PHLDB3: variants seen among roughly 807,000 people sequenced by gnomAD.
PHLDB3 encodes pleckstrin homology like domain family B member 3.
A neutral mutation model predicts 85.7 loss-of-function variants in PHLDB3; 86 were observed. That is an observed-to-expected ratio of 1.00 (90% CI 0.84 to 1.20). PHLDB3 has a LOEUF of 1.20. Among genes scored for constraint, PHLDB3 ranks in the 50% most tolerant of loss-of-function variants. PHLDB3 has a pLI of 0.00. For missense variants in PHLDB3, 995 were observed against 873.0 expected (o/e 1.14, Z -1.76); for synonymous variants, 376 against 349.8 (o/e 1.07, Z -0.83).
intron 7 of PHLDB3, 34 bp from the exon 8 acceptor site, chr19:43,495,373 T>G: frequency 6.2e-7 from 1 of 1,607,436 alleles, no homozygotes; most frequent in Non-Finnish European, 8.5e-7. Flanking sequence ...CGTGTCAAAG[T>G]CAGAATGGGC....
intron 13 of PHLDB3, among the ~76,000 whole-genome samples, chr19:43,481,625 A>G (rs1399222329): frequency 6.6e-6 from 1 of 151,734 alleles, no homozygotes; most frequent in African/African-American, 2.4e-5. Context: ...TCTCAAAAAA[A>G]AAATACAAAA....
At chr19:43,487,983 G>A (rs928081178) in intron 9 of PHLDB3, among the ~76,000 whole-genome samples, 10 of 151,676 alleles carry the variant, frequency 6.6e-5, no homozygotes, top group South Asian at 2.1e-4. Context: ...GTGAAACCCC[G>A]TCTCTACTAA....
rs1174912983 is a variant in PHLDB3 at position 43,475,250 on chromosome 19, A to G, written c.*160T>C. On this transcript the variant is annotated 3_prime_UTR_variant, in exon 16 of 16. Transcript: ENST00000292140. ...GCAAGGCACCTGCAACCCAGAACGC[A>G]GCAGCTCAGGCCAGCTGAACTGCCG... 9.8e-7 allele frequency: 1 copy of G among 1,023,004 alleles called. No homozygotes were observed. The highest frequency in any genetic ancestry group is 1.7e-5 in the South Asian group (1 of 58,696). The allele number at this position is 1,023,004 out of a possible 1,614,324, so 63.4% of individuals were successfully genotyped here.
chr19:43,501,590 G>A (rs1182260354), intron 4 of PHLDB3, 144 bp downstream of exon 4: 2 of 1,406,578 alleles, frequency 1.4e-6, no homozygotes, highest in Non-Finnish European at 1.9e-6. Flanking sequence ...ACCAGGAGGG[G>A]CATCTGCCCC....
In PHLDB3 at chr19:43,504,051, A is replaced by T; in HGVS notation, c.68T>A (p.Val23Asp). The change falls in exon 2 of 16, where the codon GTC (valine) becomes GAC (aspartate). Residue 23 changes from valine (V) to aspartate (D), a missense_variant. By Grantham distance (152) the Val-to-Asp change is radical. Transcript: ENST00000292140. ...CTCCTCGGGATGGCCCTGGGGCTGG[A>T]CCTCCACGTCGCATTCCGGGACCAG... ...PPLVPECDVE[V>D]QPQGHPEESR... The T allele has an allele frequency of 6.2e-7, 1 of 1,612,732 alleles. No homozygotes were observed. Among genetic ancestry groups the T allele is most frequent in the Non-Finnish European group, 8.5e-7 (1 of 1,179,504 alleles).
intron 13 of PHLDB3, among the ~76,000 whole-genome samples, 171 bp from the exon 14 acceptor site, chr19:43,479,764 G>T (rs1358903703): frequency 6.6e-6 from 1 of 152,268 alleles, no homozygotes; most frequent in East Asian, 1.9e-4. Flanking sequence ...TGGATTGACT[G>T]TGATGCTCTG....
chr19:43,495,530 G>C lies in PHLDB3; in HGVS notation c.916C>G (p.Arg306Gly). ...GCCTGAAGGGCCTCCTCCTTCTTCC[G>C]GCTCAACCCCCGGCTCTCGGCTGCC... ...QMAAESRGLS[R>G]KKEEALQALS... is the part of the protein sequence containing the mutation. The change falls in exon 7 of 16, where the codon CGG becomes GGG. Residue 306 changes from arginine to glycine, a missense_variant. Transcript: ENST00000292140. 6.2e-7 allele frequency: 1 copy of C among 1,607,168 alleles called. No individual in the cohort carries two copies. The highest frequency in any genetic ancestry group is 8.5e-7 in the Non-Finnish European group (1 of 1,176,898).
intron 9 of PHLDB3, 113 bp from the exon 10 acceptor site, chr19:43,487,236 C>G (rs1269417572): frequency 1.2e-6 from 1 of 836,856 alleles, no homozygotes; most frequent in East Asian, 2.7e-5. Context: ...ACACTACTGT[C>G]CATGTGCTGA....
At chr19:43,504,512 C>G (rs1971707408) in intron 1 of PHLDB3, 77 bp downstream of exon 1, 1 of 241,576 alleles carries the variant, frequency 4.1e-6, no homozygotes, top group South Asian at 7.5e-5. Context: ...GTTCGGCTCC[C>G]GCCCCATCCT....
chr19:43,495,561 C>T lies in PHLDB3; in HGVS notation c.885G>A (p.Glu295=), dbSNP rs1171210892. 1.2e-6 allele frequency: 2 copies of T among 1,610,402 alleles called. No individual in the cohort carries two copies. The highest frequency in any genetic ancestry group is 8.5e-7 in the Non-Finnish European group (1 of 1,178,448). The change falls in exon 7 of 16, where the codon GAG becomes GAA. Residue 295 remains glutamate, a synonymous_variant. Transcript: ENST00000292140. ...ACCCCCGGCTCTCGGCTGCCATCTGCTCCCCCAGTGACTTGAGCTGCTCTT... is the reference window on the plus strand; with the variant it reads ...ACCCCCGGCTCTCGGCTGCCATCTGTTCCCCCAGTGACTTGAGCTGCTCTT... ...VLEEQLKSLG[E]QMAAESRGLS... is the part of the protein sequence containing the mutation.
intron 1 of PHLDB3, 85 bp from the exon 2 acceptor site, chr19:43,504,217 C>CCT (rs1971697882): frequency 9.6e-7 from 1 of 1,037,110 alleles, no homozygotes; most frequent in African/African-American, 3.1e-5. Flanking sequence ...GGCGCGGAGA[C>CCT]CCCCCCCCAA....
At chr19:43,476,066 C>A (rs1208769720) in intron 15 of PHLDB3, among the ~76,000 whole-genome samples, 1 of 151,988 alleles carries the variant, frequency 6.6e-6, no homozygotes, top group Non-Finnish European at 1.5e-5. Context: ...GAGTGCTGGG[C>A]TTACAGGCGT....
In PHLDB3 at chr19:43,486,294, G is replaced by C; in HGVS notation, c.1457C>G (p.Ser486Cys). The C allele has an allele frequency of 6.2e-7, 1 of 1,610,178 alleles. No homozygotes were observed. Among genetic ancestry groups the C allele is most frequent in the Non-Finnish European group, 8.5e-7 (1 of 1,178,568 alleles). Residue 486 changes from serine to cysteine, a missense_variant, in exon 13 of 16, where the codon TCC (serine) becomes TGC (cysteine). By Grantham distance (112) the Ser-to-Cys change is moderately radical. Coordinates refer to ENST00000292140, the MANE Select transcript of PHLDB3 (RefSeq NM_198850.4). ...GATGGCAGGAACAGCAGGGCCTGAG[G>C]AACCTTCCGTGCCCCTTCTTGTTCC... ...REGTRRGTEG[S>C]SGPAVPAITA...
chr19:43,490,892 G>A (rs993490132), intron 9 of PHLDB3, among the ~76,000 whole-genome samples: 14 of 152,168 alleles, frequency 9.2e-5, no homozygotes, highest in African/African-American at 3.4e-4. Flanking sequence ...CTTCTCAAGC[G>A]AGGTGTCCTC....
In PHLDB3 at chr19:43,487,074, T is replaced by TC. The variant is rs754807034; in HGVS notation, c.1198dup (p.Glu400GlyfsTer18). On this transcript the variant is annotated frameshift_variant, in exon 10 of 16. Coordinates refer to ENST00000292140, the MANE Select transcript of PHLDB3 (RefSeq NM_198850.4). LOFTEE classifies it high-confidence loss of function. ...GGGGGATCCTCTCTGGCTCCCCCTC[T>TC]CCCCCCTTTTCCGGGGCAGGCTCCC... is the stretch of plus-strand genomic sequence containing the variant. 39 of 1,576,770 alleles carry TC rather than the reference T, an allele frequency of 2.5e-5. No individual in the cohort carries two copies. Among genetic ancestry groups the TC allele is most frequent in the South Asian group, 1.3e-4 (11 of 85,776 alleles).
Position 43,497,852 on chromosome 19 carries a change from G to A in PHLDB3, c.559C>T (p.Arg187Trp), listed in dbSNP as rs140926664. The change falls in exon 5 of 16, where the codon CGG becomes TGG. Residue 187 changes from arginine (R) to tryptophan (W), a missense_variant. By Grantham distance (101) the Arg-to-Trp change is moderately radical. Transcript: ENST00000292140. ...EQEQRRLSQERDRLEGLRQRL... is the reference protein window; with the variant it reads ...EQEQRRLSQEWDRLEGLRQRL... Reference sequence around the variant, plus strand: ...TGGCGAAGACCCTCTAGGCGATCCCGTTCCTGGCTCAGCCGCCTCTGTTCC... The same window carrying A: ...TGGCGAAGACCCTCTAGGCGATCCCATTCCTGGCTCAGCCGCCTCTGTTCC... The A allele has an allele frequency of 8.7e-4, 1,378 of 1,584,224 alleles. 14 individuals are homozygous for A. In the African/African-American group the frequency reaches 0.014, roughly 16 times the overall value.
intron 9 of PHLDB3, among the ~76,000 whole-genome samples, chr19:43,492,714 G>A (rs1224774141): frequency 6.6e-6 from 1 of 151,796 alleles, no homozygotes; most frequent in Non-Finnish European, 1.5e-5. Flanking sequence ...ATACTAGCTG[G>A]TTAAACAACT....
At chr19:43,486,429 C>A in intron 12 of PHLDB3, 107 bp from the exon 13 acceptor site, 2 of 1,285,660 alleles carry the variant, frequency 1.6e-6, no homozygotes, top group Non-Finnish European at 2.1e-6. Context: ...GGACTGGGGG[C>A]CTGGACTCCT....
Position 43,475,357 on chromosome 19 carries a change from G to T in PHLDB3, c.*53C>A. On this transcript the variant is annotated 3_prime_UTR_variant, in exon 16 of 16. Transcript: ENST00000292140. ...GGGCGGGGCCTAGGAACGCCCCCGC[G>T]CCCCGCGCCGGCGGAGCCTCGAAGG... 1 of 1,596,828 alleles carries T rather than the reference G, an allele frequency of 6.3e-7. No homozygotes were observed. The highest frequency in any genetic ancestry group is 8.5e-7 in the Non-Finnish European group (1 of 1,169,850).
Sources: gnomAD v4.1 joint callset for allele counts (sites outside exome capture counted in the v4.1 genomes callset) on GRCh38, gnomAD v4.1.1 for gene constraint, MANE v1.5 for transcripts, NCBI Gene and HGNC (gene_info 2026-07-23, HGNC 2026-07-21) for gene names.